MGAT4D: variants seen among roughly 807,000 people sequenced by gnomAD.
The protein encoded by MGAT4D is MGAT4 family member D.
In MGAT4D, 34 loss-of-function variants were observed where a neutral mutation model predicts 15.9. The observed-to-expected ratio is 2.14, with a 90% CI of 1.62 to 2.84. MGAT4D has a LOEUF of 2.84. Among genes scored for constraint, MGAT4D ranks in the 30% most tolerant of loss-of-function variants. MGAT4D has a pLI of 0.00. For synonymous variants in MGAT4D, 112 were observed against 48.2 expected (o/e 2.33, Z -5.49); for missense variants, 327 against 140.2 (o/e 2.33, Z -6.73).
chr4:140,474,116 C>A (rs1477970866), intron 4 of MGAT4D, among the ~76,000 whole-genome samples: 1 of 152,134 alleles, frequency 6.6e-6, no homozygotes, highest in Non-Finnish European at 1.5e-5. Context: ...TGCCAAATTT[C>A]TCTCCAAAAA....
chr4:140,449,617 C>T (rs564420018), intron 10 of MGAT4D, among the ~76,000 whole-genome samples: 3 of 152,052 alleles, frequency 2.0e-5, no homozygotes, highest in Admixed American at 1.3e-4. Flanking sequence ...AAAGTTAGCC[C>T]GGCATGGTGG....
At chr4:140,492,329 C>T (rs1733553107) in intron 1 of MGAT4D, among the ~76,000 whole-genome samples, 1 of 152,130 alleles carries the variant, frequency 6.6e-6, no homozygotes, top group African/African-American at 2.4e-5. Context: ...GTTGACACCA[C>T]CTCAGATTAT....
rs1047557265 is a variant in MGAT4D at position 140,479,585 on chromosome 4, G to C, written c.296C>G (p.Ser99Cys). The C allele has an allele frequency of 1.9e-6, 1 of 523,172 alleles. No individual in the cohort carries two copies. Among genetic ancestry groups the C allele is most frequent in the African/African-American group, 2.0e-5 (1 of 50,464 alleles). 32.4% of individuals were successfully genotyped at this position (523,172 alleles called of 1,614,324 possible). The change falls in exon 3 of 11, where the codon TCT (serine) becomes TGT (cysteine). Residue 99 changes from serine (S) to cysteine (C), a missense_variant. Coordinates refer to ENST00000511113, the MANE Select transcript of MGAT4D (RefSeq NM_001277353.2). The stretch of plus-strand genomic sequence containing the variant: ...GAACTTTAAGTCTTCAAATGTATTA[G>C]ATACTGTTTCATTTTTATTTAATAT... ...ADILNKNETV[S>C]NTFEDLKFFF... is the part of the protein sequence containing the mutation.
At chr4:140,449,558 G>A (rs1158303235) in intron 10 of MGAT4D, among the ~76,000 whole-genome samples, 1 of 152,132 alleles carries the variant, frequency 6.6e-6, no homozygotes, top group Non-Finnish European at 1.5e-5. Flanking sequence ...AGGAGATCAA[G>A]ACCATCCTGG....
At chr4:140,450,934 T>G (rs528731774) in intron 10 of MGAT4D, among the ~76,000 whole-genome samples, 9 of 152,126 alleles carry the variant, frequency 5.9e-5, no homozygotes, top group Non-Finnish European at 1.2e-4. Flanking sequence ...ATATTATATC[T>G]GAAAATGATG....
intron 5 of MGAT4D, among the ~76,000 whole-genome samples, chr4:140,466,668 T>C (rs1231574220): frequency 6.6e-6 from 1 of 152,202 alleles, no homozygotes; most frequent in Non-Finnish European, 1.5e-5. Context: ...TGTTTTAACA[T>C]ACGTTTAAAG....
intron 2 of MGAT4D, among the ~76,000 whole-genome samples, chr4:140,480,858 C>T (rs1732669477): frequency 6.6e-6 from 1 of 151,898 alleles, no homozygotes; most frequent in Non-Finnish European, 1.5e-5. Context: ...ATCCCTTGAG[C>T]TCAGGAGGTG....
chr4:140,464,960 C>T lies in MGAT4D; in HGVS notation c.622G>A (p.Ala208Thr), dbSNP rs1383987956. The change falls in exon 6 of 11, where the codon GCC (alanine) becomes ACC (threonine). Residue 208 changes from alanine to threonine, a missense_variant. Ala to Thr is a moderately conservative substitution (Grantham distance 58, BLOSUM62 0). Transcript: ENST00000511113. ...TTTAACATGCTTGAGTATAAAAAGG[C>T]AGGTATTGAAATGACCTCTAAGGAT... ...SGSLEVISIP[A>T]FLYSSMLNAK... is the part of the protein sequence containing the mutation. 1 of 702,816 alleles carries T rather than the reference C, an allele frequency of 1.4e-6. No individual in the cohort carries two copies. The highest frequency in any genetic ancestry group is 2.6e-6 in the Non-Finnish European group (1 of 384,880). 43.5% of individuals were successfully genotyped at this position (702,816 alleles called of 1,614,324 possible).
intron 1 of MGAT4D, among the ~76,000 whole-genome samples, chr4:140,484,204 T>G (rs561367175): frequency 6.6e-6 from 1 of 151,654 alleles, no homozygotes; most frequent in African/African-American, 2.4e-5. Flanking sequence ...ACTCAAACAA[T>G]AGCAAAAAAA....
At chr4:140,459,433 A>G in intron 8 of MGAT4D, 79 bp downstream of exon 8, 3 of 371,670 alleles carry the variant, frequency 8.1e-6, no homozygotes. Flanking sequence ...AGTAATAAAC[A>G]AACTGATAAA....
In MGAT4D at chr4:140,466,591, A is replaced by G. The variant is rs189808681; in HGVS notation, c.573-1582T>C. 3.4e-3 allele frequency among the ~76,000 whole-genome samples: 524 copies of G among 152,314 alleles called. 4 individuals carry two copies. The highest frequency in any genetic ancestry group is 6.1e-3 in the Non-Finnish European group (416 of 68,012). The stretch of plus-strand genomic sequence containing the variant: ...CTCAATAATTTTAATGTTTTAAATT[A>G]CAGTGTAATAAATTAGCTTAACAAT... On this transcript the variant is annotated intron_variant, in intron 5 of 10. Transcript: ENST00000511113.
chr4:140,460,449 A>G (rs752581402), intron 7 of MGAT4D, among the ~76,000 whole-genome samples: 1 of 152,168 alleles, frequency 6.6e-6, no homozygotes, highest in Admixed American at 6.5e-5. Flanking sequence ...CACGAATCCC[A>G]TTTATGAGGC....
At chr4:140,473,366 G>C (rs1456402198) in intron 4 of MGAT4D, among the ~76,000 whole-genome samples, 1 of 151,974 alleles carries the variant, frequency 6.6e-6, no homozygotes, top group Non-Finnish European at 1.5e-5. Context: ...AGATATTTTG[G>C]TTGTTTCCAA....
rs1730470324 is a variant in MGAT4D, at chr4:140,451,466, GAGA to G, written c.1057_1059del (p.Ser353del). 3.2e-6 allele frequency: 2 copies of G among 632,146 alleles called. No homozygotes were observed. The highest frequency in any genetic ancestry group is 1.8e-5 in the African/African-American group (1 of 55,312). 39.2% of individuals were successfully genotyped at this position (632,146 alleles called of 1,614,324 possible). ...GAATGTATACCCACATGCTGGAAAA[GAGA>G]AGGTTTATACTGAATACGTATTTGC... On this transcript the variant is annotated inframe_deletion, in exon 10 of 11. Coordinates refer to ENST00000511113, the MANE Select transcript of MGAT4D (RefSeq NM_001277353.2).
intron 9 of MGAT4D, 119 bp from the exon 10 acceptor site, chr4:140,451,636 A>G (rs1185068625): frequency 2.6e-6 from 1 of 387,308 alleles, no homozygotes; most frequent in Non-Finnish European, 4.6e-6. Context: ...CATATTTAAA[A>G]ATATAAACAA....
chr4:140,442,895 T>A lies in MGAT4D; in HGVS notation c.*541A>T, dbSNP rs1729860708. ...TATGAAATCTTTAGAACTAAATGAC[T>A]ATAAGAATACATATATATCAAGATG... On this transcript the variant is annotated 3_prime_UTR_variant, in exon 11 of 11. Coordinates refer to ENST00000511113, the MANE Select transcript of MGAT4D (RefSeq NM_001277353.2). 1 of 152,158 alleles carries A rather than the reference T, an allele frequency of 6.6e-6. No homozygotes were observed. The highest frequency in any genetic ancestry group is 1.5e-5 in the Non-Finnish European group (1 of 68,008). 9.4% of individuals were successfully genotyped at this position (152,158 alleles called of 1,614,324 possible).
intron 5 of MGAT4D, among the ~76,000 whole-genome samples, chr4:140,466,329 T>C (rs1369260487): frequency 2.6e-5 from 4 of 152,222 alleles, no homozygotes; most frequent in Non-Finnish European, 1.5e-5. Flanking sequence ...TTATGTCACA[T>C]AGGAAATGAT....
intron 6 of MGAT4D, among the ~76,000 whole-genome samples, chr4:140,463,097 C>A (rs1399133168): frequency 1.8e-4 from 27 of 152,088 alleles, no homozygotes; most frequent in Admixed American, 1.8e-3. Context: ...AAGGATTTAG[C>A]CTTACCTAGA....
chr4:140,488,602 A>G (rs150794022), intron 1 of MGAT4D, among the ~76,000 whole-genome samples: 1 of 152,360 alleles, frequency 6.6e-6, no homozygotes, highest in East Asian at 1.9e-4. Flanking sequence ...TTGTATGTAC[A>G]GAAGCTTGCC....
Sources: allele counts gnomAD v4.1 joint callset (sites outside exome capture counted in the v4.1 genomes callset), GRCh38; gene constraint gnomAD v4.1.1; transcripts MANE v1.5; gene names NCBI Gene and HGNC (gene_info 2026-07-23, HGNC 2026-07-21).